Variants in ADSL observed in about 807,000 individuals in gnomAD.
ADSL encodes adenylosuccinase.
In ADSL, 44 loss-of-function variants were observed where a neutral mutation model predicts 62.1. That is an observed-to-expected ratio of 0.71 (90% CI 0.56 to 0.91). The LOEUF is 0.91. Ranked by LOEUF, ADSL falls within the 40% of genes least tolerant of loss-of-function variation. The pLI, the probability that ADSL is intolerant of heterozygous loss-of-function variation, is 0.00. For missense variants in ADSL, 531 were observed against 627.4 expected (o/e 0.85, Z 1.64); for synonymous variants, 198 against 220.5 (o/e 0.90, Z 0.90).
chr22:40,360,608 T>C (rs2044746459), intron 7 of ADSL, 116 bp downstream of exon 7: 1 of 755,158 alleles, frequency 1.3e-6, no homozygotes, highest in African/African-American at 1.8e-5. Context: ...ACATTAGTTT[T>C]AATAATTTGT....
rs11913275 is a variant in ADSL, at chr22:40,361,680, C to G, written c.1010+45C>G. On this transcript the variant is annotated intron_variant, in intron 9 of 12. Coordinates refer to ENST00000623063, the MANE Select transcript of ADSL (RefSeq NM_000026.4). ...CACATACACCAAGTTGAGTGGAGGT[C>G]TGAAGGAGGGACCTAGAAGTAAAAG... 3,634 of 1,603,792 alleles carry G rather than the reference C, an allele frequency of 2.3e-3. 66 individuals are homozygous for G. The African/African-American group carries it at 0.042, about 19-fold the overall frequency.
In ADSL at chr22:40,366,892, C is replaced by T. The variant is rs553380103; in HGVS notation, c.*370C>T. 17 of 265,382 alleles carry T rather than the reference C, an allele frequency of 6.4e-5. No homozygotes were observed. The highest frequency in any genetic ancestry group is 3.9e-4 in the African/African-American group (17 of 44,130). The allele number at this position is 265,382 out of a possible 1,614,324, so 16.4% of individuals were successfully genotyped here. A position where few individuals can be genotyped will look rare whatever the true frequency, so the allele number is the denominator to read the frequency against. On this transcript the variant is annotated 3_prime_UTR_variant, in exon 13 of 13. Transcript: ENST00000623063. ...TAGGTCTAGCAAAATAACCTGGACTCAGTGATTGAGTCAATGGTCAGATAC... is the reference window on the plus strand; with the variant it reads ...TAGGTCTAGCAAAATAACCTGGACTTAGTGATTGAGTCAATGGTCAGATAC...
intron 3 of ADSL, 41 bp from the exon 4 acceptor site, chr22:40,354,207 C>A: frequency 6.5e-7 from 1 of 1,548,060 alleles, no homozygotes; most frequent in African/African-American, 1.4e-5. Context: ...ATGAACACAA[C>A]CTGAATTCAA....
At chr22:40,348,812 A>G (rs2044239714) in intron 1 of ADSL, 2 of 383,900 alleles carry the variant, frequency 5.2e-6, no homozygotes, top group Non-Finnish European at 9.2e-6. Flanking sequence ...GCAAGTTTCA[A>G]GTGAGGTTTA....
At chr22:40,380,628 G>A (rs761514258) in intron 2 of ADSL, among the ~76,000 whole-genome samples, 1 of 152,054 alleles carries the variant, frequency 6.6e-6, no homozygotes, top group Non-Finnish European at 1.5e-5. Context: ...GTGAGTCACT[G>A]TGCCCAGCCT....
At chr22:40,377,083 C>T (rs1178519980) in intron 2 of ADSL, among the ~76,000 whole-genome samples, 2 of 152,204 alleles carry the variant, frequency 1.3e-5, no homozygotes, top group Non-Finnish European at 2.9e-5. Flanking sequence ...TTTGAAGCAT[C>T]ACATTTTGAG....
Position 40,350,011 on chromosome 22 carries a change from T to C in ADSL, c.333T>C (p.Thr111=). 6.2e-7 allele frequency: 1 copy of C among 1,614,048 alleles called. No homozygotes were observed. Among genetic ancestry groups the C allele is most frequent in the South Asian group, 1.1e-5 (1 of 91,082 alleles). The change falls in exon 2 of 13, where the codon ACT becomes ACC. Residue 111 remains threonine, a synonymous_variant. Coordinates refer to ENST00000623063, the MANE Select transcript of ADSL (RefSeq NM_000026.4). ...KAAGIIHLGA[T]SCYVGDNTDL... is the part of the protein sequence containing the mutation. ...CAGGCATTATTCACCTTGGTGCTAC[T>C]TCTTGCTATGTTGGAGACAATACTG... is the stretch of plus-strand genomic sequence containing the variant.
intron 2 of ADSL, among the ~76,000 whole-genome samples, chr22:40,378,622 A>G (rs2047046122): frequency 6.6e-6 from 1 of 151,598 alleles, no homozygotes; most frequent in Non-Finnish European, 1.5e-5. Context: ...AATCCCATCT[A>G]CCAGGAAGCT....
intron 4 of ADSL, among the ~76,000 whole-genome samples, chr22:40,356,535 C>CAA (rs113457420): frequency 5.0e-5 from 4 of 79,802 alleles, no homozygotes; most frequent in Admixed American, 1.4e-4. Context: ...ATTCCGTCTC[C>CAA]AAAAAAAAAA....
chr22:40,350,131 A>G, intron 2 of ADSL, 96 bp downstream of exon 2: 2 of 1,141,586 alleles, frequency 1.8e-6, no homozygotes, highest in South Asian at 2.8e-5. Flanking sequence ...GACACTATAG[A>G]TCTTTTTTTT....
chr22:40,380,377 T>C (rs1268179779), intron 2 of ADSL, among the ~76,000 whole-genome samples: 2 of 151,282 alleles, frequency 1.3e-5, no homozygotes, highest in African/African-American at 4.9e-5. Flanking sequence ...TTTTTTTTTT[T>C]TTTTCCTGAG....
chr22:40,366,034 G>A (rs1193824313), intron 12 of ADSL, among the ~76,000 whole-genome samples: 5 of 151,936 alleles, frequency 3.3e-5, no homozygotes, highest in South Asian at 2.1e-4. Context: ...CTACTGCAAC[G>A]GGCCAAGCAG....
chr22:40,380,364 ATT>A (rs555526386), intron 2 of ADSL, among the ~76,000 whole-genome samples: 4 of 134,236 alleles, frequency 3.0e-5, no homozygotes, highest in Non-Finnish European at 4.8e-5. Flanking sequence ...AATATCTATA[ATT>A]TTTTTTTTTT....
At chr22:40,377,845 CAA>C (rs35941683) in intron 2 of ADSL, among the ~76,000 whole-genome samples, 712 of 61,520 alleles carry the variant, frequency 0.012, 3 homozygotes, top group African/African-American at 0.036. Context: ...GACCCTGTCT[CAA>C]AAAAAAAAAA....
Position 40,386,866 on chromosome 22 carries a change from A to G in ADSL, c.90-3364A>G, listed in dbSNP as rs200759922. On this transcript the variant is annotated intron_variant, in intron 2 of 2. Coordinates refer to the ADSL transcript ENST00000498234. Reference sequence around the variant, plus strand: ...CTCTAAATATAGGTGCAGATCTGTTAGAGAAGTTGGTTTGCTCTTATGAGA... The same window carrying G: ...CTCTAAATATAGGTGCAGATCTGTTGGAGAAGTTGGTTTGCTCTTATGAGA... Among the ~76,000 whole-genome samples, 22 of 152,220 alleles carry G rather than the reference A, an allele frequency of 1.4e-4. No individual in the cohort carries two copies. The East Asian group carries it at 2.9e-3, about 20-fold the overall frequency.
intron 2 of ADSL, 104 bp from the exon 3 acceptor site, chr22:40,352,969 G>T: frequency 1.1e-6 from 1 of 869,980 alleles, no homozygotes; most frequent in Non-Finnish European, 1.9e-6. Context: ...TGGTGATATA[G>T]GCTGGTAGCT....
intron 7 of ADSL, chr22:40,361,027 A>G: frequency 3.5e-6 from 2 of 565,694 alleles, no homozygotes; most frequent in African/African-American, 1.9e-5. Context: ...TTTTCTTTCC[A>G]TGATGCCTTA....
chr22:40,362,742 G>A (rs2044842277), intron 9 of ADSL, among the ~76,000 whole-genome samples: 1 of 152,160 alleles, frequency 6.6e-6, no homozygotes, highest in African/African-American at 2.4e-5. Flanking sequence ...TTTGGGGATT[G>A]AGGTACCCAT....
downstream of ADSL, among the ~76,000 whole-genome samples, chr22:40,374,278 G>T (rs1448409529): frequency 6.6e-6 from 1 of 152,154 alleles, no homozygotes; most frequent in African/African-American, 2.4e-5. Context: ...TAGTTTGAGA[G>T]TTGGGGAAGG....
Sources: allele counts gnomAD v4.1 joint callset (sites outside exome capture counted in the v4.1 genomes callset), GRCh38; gene constraint gnomAD v4.1.1; transcripts MANE v1.5; gene names NCBI Gene and HGNC (gene_info 2026-07-23, HGNC 2026-07-21).